The following DAB1 variants were observed in gnomAD, a reference collection of about 807,000 sequenced individuals.
DAB1 encodes DAB adaptor protein 1.
A neutral mutation model predicts 64.6 loss-of-function variants in DAB1; 15 were observed. That is an observed-to-expected ratio of 0.23 (90% confidence interval 0.16 to 0.36). DAB1 has a LOEUF of 0.36. Ranked by LOEUF, DAB1 falls within the 10% of genes least tolerant of loss-of-function variation. The pLI, the probability that DAB1 is intolerant of heterozygous loss-of-function variation, is 1.00. For missense variants in DAB1, 596 were observed against 706.7 expected (o/e 0.84, Z 1.78); for synonymous variants, 235 against 251.9 (o/e 0.93, Z 0.64).
chr1:57,204,156 C>T (rs533749557), intron 2 of DAB1, among the ~76,000 whole-genome samples: 2 of 152,284 alleles, frequency 1.3e-5, no homozygotes, highest in South Asian at 4.1e-4. Context: ...TCACAAAGTG[C>T]TGGGATTACA....
chr1:57,216,819 T>C (rs1666462420), intron 2 of DAB1, among the ~76,000 whole-genome samples: 1 of 152,178 alleles, frequency 6.6e-6, no homozygotes, highest in African/African-American at 2.4e-5. Context: ...AGCAAGATTC[T>C]AGAAACTGCC....
intron 6 of DAB1, among the ~76,000 whole-genome samples, chr1:57,806,624 A>G (rs1264547466): frequency 6.6e-6 from 1 of 152,202 alleles, no homozygotes; most frequent in Non-Finnish European, 1.5e-5. Context: ...TCTGTTGTTT[A>G]AGCTGCCTGG....
chr1:57,211,862 G>T (rs1330235110), intron 2 of DAB1, among the ~76,000 whole-genome samples: 1 of 152,224 alleles, frequency 6.6e-6, no homozygotes, highest in Non-Finnish European at 1.5e-5. Flanking sequence ...ATGATTTAAA[G>T]AATATGGTAA....
chr1:57,164,134 C>A (rs1006184872), intron 2 of DAB1, among the ~76,000 whole-genome samples: 3 of 152,008 alleles, frequency 2.0e-5, no homozygotes, highest in Non-Finnish European at 2.9e-5. Flanking sequence ...AGGGAAAGTG[C>A]CTGGCCTGTC....
chr1:57,450,489 G>A (rs1290042746), intron 7 of DAB1, among the ~76,000 whole-genome samples: 1 of 152,136 alleles, frequency 6.6e-6, no homozygotes, highest in Non-Finnish European at 1.5e-5. Flanking sequence ...ATGTCAACTA[G>A]CCTCTTAAAG....
intron 3 of DAB1, among the ~76,000 whole-genome samples, chr1:58,399,229 GT>G: frequency 6.6e-6 from 1 of 152,334 alleles, no homozygotes; most frequent in East Asian, 1.9e-4. Context: ...ATAATGCATT[GT>G]TTCTTTTTGA....
At chr1:58,312,539 T>C (rs1349958332) in intron 4 of DAB1, among the ~76,000 whole-genome samples, 2 of 152,218 alleles carry the variant, frequency 1.3e-5, no homozygotes, top group East Asian at 1.9e-4. Context: ...ATCCTTTTGA[T>C]GCATCCGAAA....
chr1:57,805,029 T>A (rs1458356234), intron 6 of DAB1, among the ~76,000 whole-genome samples: 1 of 152,168 alleles, frequency 6.6e-6, no homozygotes, highest in Non-Finnish European at 1.5e-5. Flanking sequence ...AAACTGTCAA[T>A]AATCTTTGTC....
intron 6 of DAB1, among the ~76,000 whole-genome samples, chr1:57,692,157 A>T (rs771480476): frequency 2.6e-5 from 4 of 152,084 alleles, no homozygotes; most frequent in Non-Finnish European, 5.9e-5. Context: ...AGACTCGCCC[A>T]TCTATCCTTT....
chr1:57,731,013 G>A (rs984780134), intron 6 of DAB1, among the ~76,000 whole-genome samples: 5 of 152,214 alleles, frequency 3.3e-5, no homozygotes, highest in African/African-American at 1.2e-4. Context: ...ACAGATGCTT[G>A]TATACCCATA....
chr1:58,369,047 G>C (rs1487364582), intron 3 of DAB1, among the ~76,000 whole-genome samples: 12 of 152,132 alleles, frequency 7.9e-5, no homozygotes, highest in Admixed American at 7.9e-4. Flanking sequence ...GTACTAACAG[G>C]AATTGGTGCA....
At chr1:57,721,709 A>G (rs545721075) in intron 6 of DAB1, among the ~76,000 whole-genome samples, 138 of 152,324 alleles carry the variant, frequency 9.1e-4, no homozygotes, top group Non-Finnish European at 1.5e-3. Flanking sequence ...GACCAGGGCC[A>G]GTAGCTGGTC....
chr1:57,015,687 T>G (rs1646407623), intron 11 of DAB1, among the ~76,000 whole-genome samples: 1 of 152,228 alleles, frequency 6.6e-6, no homozygotes, highest in Non-Finnish European at 1.5e-5. Flanking sequence ...ATCACATTTC[T>G]GTAGTTGCTA....
At chr1:57,927,345 G>A (rs1644893579) in intron 5 of DAB1, among the ~76,000 whole-genome samples, 1 of 152,072 alleles carries the variant, frequency 6.6e-6, no homozygotes, top group African/African-American at 2.4e-5. Flanking sequence ...AGAAGGGTAA[G>A]TGAACCATAA....
rs1382565811 is a variant in DAB1 at position 58,416,751 on chromosome 1, C to CAG, written n.258-73350_258-73349dup. Among the ~76,000 whole-genome samples, 31 of 151,934 alleles carry CAG rather than the reference C, an allele frequency of 2.0e-4. 1 individual carries two copies. The highest frequency in any genetic ancestry group is 1.2e-3 in the Admixed American group (19 of 15,244). ...TGTGTTCTCACATGGTGCATGCATT[C>CAG]AGAGAGAGAGACAGAGGGACAGATC... On this transcript the variant is annotated intron_variant and non_coding_transcript_variant, in intron 3 of 20. Transcript: ENST00000485760.
At chr1:57,413,781 G>C (rs1684296277) in intron 1 of DAB1, among the ~76,000 whole-genome samples, 1 of 146,504 alleles carries the variant, frequency 6.8e-6, no homozygotes, top group Admixed American at 6.9e-5. Flanking sequence ...CATCATTCTA[G>C]ATGCCATTAA....
At chr1:58,113,798 TAGG>T (rs1553160734) in intron 5 of DAB1, among the ~76,000 whole-genome samples, 2 of 152,146 alleles carry the variant, frequency 1.3e-5, no homozygotes, top group African/African-American at 2.4e-5. Flanking sequence ...CTGTTTTCAG[TAGG>T]AGTTTTGTGT....
At chr1:57,949,631 T>G (rs926152251) in intron 5 of DAB1, among the ~76,000 whole-genome samples, 12 of 152,302 alleles carry the variant, frequency 7.9e-5, no homozygotes, top group Admixed American at 7.8e-4. Flanking sequence ...TTTTTATACT[T>G]TATGAAAATG....
At chr1:57,641,334 T>C (rs56216576) in intron 7 of DAB1, among the ~76,000 whole-genome samples, 3,132 of 151,380 alleles carry the variant, frequency 0.021, 113 homozygotes, top group African/African-American at 0.073. Context: ...TAAAACCCAA[T>C]GTTCCCTGGT....
Sources: gnomAD v4.1 joint callset for allele counts (sites outside exome capture counted in the v4.1 genomes callset) on GRCh38, gnomAD v4.1.1 for gene constraint, MANE v1.5 for transcripts, NCBI Gene and HGNC (gene_info 2026-07-23, HGNC 2026-07-21) for gene names.